The following BAHCC1 variants were observed in gnomAD, a reference collection of about 807,000 sequenced individuals.
BAHCC1 encodes BAH domain and coiled-coil containing 1, also known as BAH and coiled-coil domain-containing protein 1.
BAHCC1 carries 43 observed loss-of-function variants against 88.2 expected under a neutral mutation model. That is an observed-to-expected ratio of 0.49 (90% CI 0.38 to 0.63). The LOEUF is 0.63. Ranked by LOEUF, BAHCC1 falls within the 20% of genes least tolerant of loss-of-function variation. The pLI is 0.00. For missense variants in BAHCC1, 3,023 were observed against 1,654.8 expected (o/e 1.83, Z -14.34); for synonymous variants, 1,510 against 745.5 (o/e 2.03, Z -16.71).
intron 3 of BAHCC1, among the ~76,000 whole-genome samples, chr17:81,437,936 C>G (rs1429857258): frequency 6.6e-6 from 1 of 152,212 alleles, no homozygotes; most frequent in East Asian, 1.9e-4. Context: ...CCTGGGCTGT[C>G]CACTGGGCCC....
chr17:81,430,757 C>G (rs2143436170), intron 3 of BAHCC1, among the ~76,000 whole-genome samples: 1 of 152,288 alleles, frequency 6.6e-6, no homozygotes, highest in South Asian at 2.1e-4. Context: ...ACCCCTTCAG[C>G]TCCTCCTTCC....
At chr17:81,423,657 C>T (rs569865808) in intron 2 of BAHCC1, among the ~76,000 whole-genome samples, 3 of 152,352 alleles carry the variant, frequency 2.0e-5, no homozygotes, top group Admixed American at 6.5e-5. Flanking sequence ...GAGTGGGGGC[C>T]GCTCAGTGAC....
chr17:81,428,721 C>A (rs2064227815), intron 3 of BAHCC1, among the ~76,000 whole-genome samples: 1 of 152,240 alleles, frequency 6.6e-6, no homozygotes, highest in African/African-American at 2.4e-5. Flanking sequence ...AGACAGCACC[C>A]ACAACGGCCT....
rs544130538 is a variant in BAHCC1 at position 81,434,303 on chromosome 17, C to A, written c.359-4067C>A. 6.6e-6 allele frequency among the ~76,000 whole-genome samples: 1 copy of A among 152,306 alleles called. No homozygotes were observed. The highest frequency in any genetic ancestry group is 1.5e-5 in the Non-Finnish European group (1 of 68,018). The stretch of plus-strand genomic sequence containing the variant: ...AGCTGACTGCATGACCCACTGCCCG[C>A]CCAGCCAGGCGCATGTGGGAGCCGA... On this transcript the variant is annotated intron_variant, in intron 3 of 27. Transcript: ENST00000675386. The surrounding 1 kb of genome is among the most constrained non-coding windows in gnomAD (Gnocchi z 4.9).
At chr17:81,420,168 C>T (rs1361627417) in intron 2 of BAHCC1, among the ~76,000 whole-genome samples, 1 of 152,230 alleles carries the variant, frequency 6.6e-6, no homozygotes, top group Admixed American at 6.5e-5. Flanking sequence ...TGCTCTGTAC[C>T]CCTCAGGCTG....
At chr17:81,400,703 C>A (rs1012246928) in intron 2 of BAHCC1, 1 of 153,710 alleles carries the variant, frequency 6.5e-6, no homozygotes, top group South Asian at 2.0e-4. Context: ...CGTGGGGCGC[C>A]GTGCTGGGCC....
At chr17:81,405,384 A>G (rs1411433646) in intron 2 of BAHCC1, among the ~76,000 whole-genome samples, 1 of 152,166 alleles carries the variant, frequency 6.6e-6, no homozygotes, top group Non-Finnish European at 1.5e-5. Context: ...CTTTTGAGGC[A>G]GCAGATGTTT....
chr17:81,431,733 C>T (rs927493791), intron 3 of BAHCC1, among the ~76,000 whole-genome samples: 6 of 152,212 alleles, frequency 3.9e-5, no homozygotes, highest in Admixed American at 1.3e-4. Flanking sequence ...CATTTTACAG[C>T]TGAGGAAACT....
chr17:81,400,083 A>T (rs112510434), intron 2 of BAHCC1, among the ~76,000 whole-genome samples, 166 bp downstream of exon 2: 4 of 151,704 alleles, frequency 2.6e-5, no homozygotes, highest in Non-Finnish European at 2.9e-5. Flanking sequence ...CAGCCCCCCA[A>T]GCTGCGTCGC....
intron 3 of BAHCC1, among the ~76,000 whole-genome samples, chr17:81,433,631 C>A (rs2064296913): frequency 6.6e-6 from 1 of 150,570 alleles, no homozygotes; most frequent in Non-Finnish European, 1.5e-5. Flanking sequence ...TCCACCAAGG[C>A]CCCTCCTGTG....
chr17:81,450,594 C>A (rs1477315898), intron 11 of BAHCC1, among the ~76,000 whole-genome samples: 1 of 152,228 alleles, frequency 6.6e-6, no homozygotes, highest in African/African-American at 2.4e-5. Context: ...CCTGCCTGCC[C>A]CAGGGCTGGA....
chr17:81,462,992 G>A lies in BAHCC1; in HGVS notation c.7620+16G>A. 1.3e-6 allele frequency: 1 copy of A among 777,046 alleles called. No homozygotes were observed. The highest frequency in any genetic ancestry group is 2.4e-6 in the Non-Finnish European group (1 of 416,332). 48.1% of individuals were successfully genotyped at this position (777,046 alleles called of 1,614,324 possible). On this transcript the variant is annotated intron_variant, in intron 27 of 27. Transcript: ENST00000675386. ...CGACGGCAAGGTGAGGCCCGGACAG[G>A]TGTGGGGCCCAGCCCCCCTCGGGGC...
Position 81,455,292 on chromosome 17 carries a change from C to T in BAHCC1, c.4471C>T (p.Leu1491=). The T allele has an allele frequency of 1.4e-6, 1 of 717,072 alleles. No individual in the cohort carries two copies. The highest frequency in any genetic ancestry group is 2.6e-6 in the Non-Finnish European group (1 of 385,336). The allele number at this position is 717,072 out of a possible 1,614,324, so 44.4% of individuals were successfully genotyped here. A position where few individuals can be genotyped will look rare whatever the true frequency, so the allele number is the denominator to read the frequency against. Residue 1491 remains leucine (L), a synonymous_variant, in exon 15 of 28, where the codon CTG becomes TTG. Transcript: ENST00000675386. ...GGCGGTGCGGACAAGCCTGGGTCTG[C>T]TGTGTGCGGAGCTGCGAGGAGGCAG... The part of the protein sequence containing the change: ...VKAVRTSLGL[L]CAELRGGSGG...
Position 81,465,742 on chromosome 17 carries a change from G to T in BAHCC1, c.*1925G>T, listed in dbSNP as rs993618595. On this transcript the variant is annotated 3_prime_UTR_variant, in exon 28 of 28. Transcript: ENST00000675386. ...TGGACCCCCTGAAGGGCCGTTCCCA[G>T]AGGCTCCCCAGGAGGCTCAAGGCTG... 6.6e-6 allele frequency: 1 copy of T among 152,316 alleles called. No homozygotes were observed. The highest frequency in any genetic ancestry group is 1.5e-5 in the Non-Finnish European group (1 of 68,066). The allele number at this position is 152,316 out of a possible 1,614,324, so 9.4% of individuals were successfully genotyped here. A position where few individuals can be genotyped will look rare whatever the true frequency, so the allele number is the denominator to read the frequency against.
chr17:81,444,412 A>C lies in BAHCC1; in HGVS notation c.2356A>C (p.Ile786Leu). 1.3e-6 allele frequency: 1 copy of C among 749,846 alleles called. No individual in the cohort carries two copies. The highest frequency in any genetic ancestry group is 2.5e-6 in the Non-Finnish European group (1 of 404,574). 46.4% of individuals were successfully genotyped at this position (749,846 alleles called of 1,614,324 possible). Reference protein sequence around the residue: ...DSKDRVEFARIHPPSSCPGDL... With the variant: ...DSKDRVEFARLHPPSSCPGDL... ...CAAAGACCGCGTAGAGTTCGCCCGG[A>C]TCCACCCACCGAGCAGCTGCCCTGG... The change falls in exon 7 of 28, where the codon ATC (isoleucine) becomes CTC (leucine). Residue 786 changes from isoleucine to leucine, a missense_variant. Physicochemically the swap from Ile to Leu is conservative, Grantham distance 5 (BLOSUM62 2). Coordinates refer to ENST00000675386, the MANE Select transcript of BAHCC1 (RefSeq NM_001377448.1).
chr17:81,433,459 T>G (rs2064293202), intron 3 of BAHCC1, among the ~76,000 whole-genome samples: 1 of 151,176 alleles, frequency 6.6e-6, no homozygotes, highest in East Asian at 1.9e-4. Flanking sequence ...GAGTCATCAG[T>G]CCACCGAGGC....
intron 2 of BAHCC1, among the ~76,000 whole-genome samples, chr17:81,403,571 T>C (rs2063842974): frequency 1.3e-5 from 2 of 152,026 alleles, no homozygotes; most frequent in African/African-American, 4.8e-5. Context: ...AATTTCCTAG[T>C]GTGAAAAGAC....
chr17:81,398,319 C>G (rs1555645246), intron 1 of BAHCC1, among the ~76,000 whole-genome samples: 22 of 152,210 alleles, frequency 1.4e-4, no homozygotes, highest in Non-Finnish European at 1.5e-5. Context: ...CCCAATTTCG[C>G]CTGAGTGGAT....
chr17:81,405,068 T>C (rs528642015), intron 2 of BAHCC1, among the ~76,000 whole-genome samples: 3 of 151,890 alleles, frequency 2.0e-5, no homozygotes, highest in Non-Finnish European at 2.9e-5. Context: ...TTTTGTTTTG[T>C]TTTTGTTTTT....
Sources: gnomAD v4.1 joint callset for allele counts (sites outside exome capture counted in the v4.1 genomes callset) on GRCh38, gnomAD v4.1.1 for gene constraint, Gnocchi (gnomAD v3.1) non-coding constraint, MANE v1.5 for transcripts, NCBI Gene and HGNC (gene_info 2026-07-23, HGNC 2026-07-21) for gene names.